CDKN2B-AS1: variants seen among roughly 807,000 people sequenced by gnomAD.
The protein encoded by CDKN2B-AS1 is CDKN2B antisense RNA 1 (non-protein coding).
intron 1 of CDKN2B-AS1, among the ~76,000 whole-genome samples, chr9:22,018,989 A>G (rs904103270): frequency 7.9e-5 from 12 of 152,330 alleles, no homozygotes; most frequent in Admixed American, 5.2e-4. Context: ...AGTATTATAG[A>G]AAATTAACTA....
intron 1 of CDKN2B-AS1, among the ~76,000 whole-genome samples, chr9:22,044,576 A>G (rs545585591): frequency 6.6e-6 from 1 of 152,078 alleles, no homozygotes; most frequent in Non-Finnish European, 1.5e-5. Flanking sequence ...TGAAGTTCAC[A>G]TTAAAAATTG....
In CDKN2B-AS1 at chr9:22,027,014, C is replaced by T. The variant is rs540997197; in HGVS notation, n.30-19737C>T. Among the ~76,000 whole-genome samples the T allele has an allele frequency of 2.8e-4, 43 of 152,162 alleles. 1 individual carries two copies. Among genetic ancestry groups the T allele is most frequent in the African/African-American group, 8.7e-4 (36 of 41,530 alleles). ...TCCTGCCTTGATTTGCTCTGGTCTC[C>T]GTGGGTCGAGTTGTTTCCTTGATTA... On this transcript the variant is annotated intron_variant and non_coding_transcript_variant, in intron 1 of 4. Coordinates refer to ENST00000650946, the Ensembl canonical transcript of CDKN2B-AS1.
Position 22,005,047 on chromosome 9 carries a change from T to G in CDKN2B-AS1, n.29+9886T>G, listed in dbSNP as rs995143940. On this transcript the variant is annotated intron_variant and non_coding_transcript_variant, in intron 1 of 4. Coordinates refer to ENST00000650946, the Ensembl canonical transcript of CDKN2B-AS1. The surrounding 1 kb of genome is among the most constrained non-coding windows in gnomAD (Gnocchi z 4.9). The stretch of plus-strand genomic sequence containing the variant: ...TTAAATAAGACAGTTGCTGAACAAC[T>G]AAAAAGTACAAAATATCACAAAATC... The G allele has an allele frequency of 4.3e-6, 1 of 232,936 alleles. No homozygotes were observed. Among genetic ancestry groups the G allele is most frequent in the African/African-American group, 2.2e-5 (1 of 45,220 alleles). 14.4% of individuals were successfully genotyped at this position (232,936 alleles called of 1,614,324 possible). A position where few individuals can be genotyped will look rare whatever the true frequency, so the allele number is the denominator to read the frequency against.
chr9:22,097,062 A>G (rs368020741), intron 4 of CDKN2B-AS1, among the ~76,000 whole-genome samples: 1 of 152,170 alleles, frequency 6.6e-6, no homozygotes, highest in Non-Finnish European at 1.5e-5. Context: ...TCTTCCATCC[A>G]TACCAAAGGC....
intron 1 of CDKN2B-AS1, among the ~76,000 whole-genome samples, chr9:22,024,451 G>T (rs1822146985): frequency 1.3e-5 from 2 of 152,218 alleles, no homozygotes; most frequent in Admixed American, 1.3e-4. Context: ...GACTGTCTGT[G>T]CTTTTGCACT....
chr9:22,029,378 A>G (rs1327466870), intron 1 of CDKN2B-AS1: 1 of 776,044 alleles, frequency 1.3e-6, no homozygotes, highest in Admixed American at 1.7e-5. Flanking sequence ...TTTAGTCTGA[A>G]TCTAATCACA....
At chr9:22,107,766 C>A (rs1465941373) in intron 4 of CDKN2B-AS1, among the ~76,000 whole-genome samples, 2 of 152,160 alleles carry the variant, frequency 1.3e-5, no homozygotes, top group Admixed American at 6.5e-5. Flanking sequence ...CATGATGTGG[C>A]CTTCAGGCAG....
At chr9:22,088,780 A>C (rs542656119) in intron 4 of CDKN2B-AS1, among the ~76,000 whole-genome samples, 19 of 152,312 alleles carry the variant, frequency 1.2e-4, no homozygotes, top group African/African-American at 4.6e-4. Flanking sequence ...AACCCTATAA[A>C]GTCATCTTTA....
chr9:22,104,265 G>A (rs1173507302), intron 4 of CDKN2B-AS1, among the ~76,000 whole-genome samples: 2 of 152,142 alleles, frequency 1.3e-5, no homozygotes, highest in African/African-American at 4.8e-5. Flanking sequence ...TACTTGGCAA[G>A]GTCAGGCACC....
chr9:22,096,620 A>G (rs867170819), intron 4 of CDKN2B-AS1: 1 of 152,260 alleles, frequency 6.6e-6, no homozygotes, highest in African/African-American at 2.4e-5. Context: ...CAAGATATAT[A>G]GTATGACCTC....
rs958270035 is a variant in CDKN2B-AS1 at position 22,009,051 on chromosome 9, C to T, written n.29+13890C>T. Reference sequence around the variant, plus strand: ...CTTTCCCACGCTGCTCCGGCGCACTCTCTCCTTCCTAGGAGACCTGGGCTC... The same window carrying T: ...CTTTCCCACGCTGCTCCGGCGCACTTTCTCCTTCCTAGGAGACCTGGGCTC... On this transcript the variant is annotated intron_variant and non_coding_transcript_variant, in intron 1 of 4. Coordinates refer to ENST00000650946, the Ensembl canonical transcript of CDKN2B-AS1. 7 of 1,566,730 alleles carry T rather than the reference C, an allele frequency of 4.5e-6. No individual in the cohort carries two copies. In the African/African-American group the frequency reaches 6.7e-5, roughly 15 times the overall value.
At chr9:22,100,311 C>T (rs573566435) in intron 4 of CDKN2B-AS1, among the ~76,000 whole-genome samples, 37 of 152,240 alleles carry the variant, frequency 2.4e-4, no homozygotes, top group Admixed American at 6.5e-4. Flanking sequence ...TTTATTTAAT[C>T]TCCATTCCCA....
chr9:22,125,477 C>T lies in CDKN2B-AS1; in HGVS notation n.439-1626C>T, dbSNP rs112935422. ...TATGGTCACTACCCTACTGTCATTC[C>T]TCATACTAACCATATGATCAACAGT... On this transcript the variant is annotated intron_variant and non_coding_transcript_variant, in intron 4 of 4. Transcript: ENST00000650946. Among the ~76,000 whole-genome samples the T allele has an allele frequency of 6.0e-3, 908 of 152,260 alleles. 3 individuals carry two copies. The highest frequency in any genetic ancestry group is 0.01 in the Non-Finnish European group (695 of 68,024).
At chr9:22,062,929 C>A (rs1288130755) in intron 4 of CDKN2B-AS1, among the ~76,000 whole-genome samples, 1 of 148,584 alleles carries the variant, frequency 6.7e-6, no homozygotes, top group African/African-American at 2.5e-5. Flanking sequence ...GGTGGTGATG[C>A]CTTTGAGGAG....
At chr9:22,025,579 G>C (rs1414600666) in intron 1 of CDKN2B-AS1, among the ~76,000 whole-genome samples, 3 of 152,148 alleles carry the variant, frequency 2.0e-5, no homozygotes, top group African/African-American at 7.2e-5. Flanking sequence ...CTTTTCCATA[G>C]GGCTGCTGTA....
chr9:22,062,840 A>C (rs1051456979), intron 4 of CDKN2B-AS1, among the ~76,000 whole-genome samples: 20 of 151,858 alleles, frequency 1.3e-4, no homozygotes, highest in African/African-American at 4.8e-4. Flanking sequence ...AGATAATATT[A>C]GTAGATATTG....
chr9:21,997,044 A>G lies in CDKN2B-AS1; in HGVS notation n.29+1883A>G, dbSNP rs535549276. ...ACACACCGTCATGGGGTTGCTTAAC[A>G]ACAGGGATACATTCTCAGACATGTA... On this transcript the variant is annotated intron_variant and non_coding_transcript_variant, in intron 1 of 4. Coordinates refer to ENST00000650946, the Ensembl canonical transcript of CDKN2B-AS1. The surrounding 1 kb of genome is among the most constrained non-coding windows in gnomAD (Gnocchi z 4.8). 1.1e-4 allele frequency among the ~76,000 whole-genome samples: 16 copies of G among 152,302 alleles called. No individual in the cohort carries two copies. The highest frequency in any genetic ancestry group is 1.0e-3 in the Admixed American group (16 of 15,300).
intron 4 of CDKN2B-AS1, among the ~76,000 whole-genome samples, chr9:22,073,698 C>A (rs775433709): frequency 6.6e-6 from 1 of 151,982 alleles, no homozygotes; most frequent in South Asian, 2.1e-4. Context: ...TGCCTAAATC[C>A]CTATGGATAA....
intron 1 of CDKN2B-AS1, among the ~76,000 whole-genome samples, chr9:22,044,452 A>G (rs1823025974): frequency 6.6e-6 from 1 of 151,926 alleles, no homozygotes; most frequent in African/African-American, 2.4e-5. Context: ...TGGAGATTTG[A>G]TCTTTGGCTT....
Sources: gnomAD v4.1 joint callset for allele counts (sites outside exome capture counted in the v4.1 genomes callset) on GRCh38, gnomAD v4.1.1 for gene constraint, Gnocchi (gnomAD v3.1) non-coding constraint, MANE v1.5 for transcripts, NCBI Gene and HGNC (gene_info 2026-07-23, HGNC 2026-07-21) for gene names.